The following EML1 variants were observed in gnomAD, a reference collection of about 807,000 sequenced individuals.
EML1 encodes the protein echinoderm microtubule-associated protein-like 1.
EML1 carries 27 observed loss-of-function variants against 110.4 expected under a neutral mutation model. The ratio of observed to expected loss-of-function variants is 0.24; its 90% CI spans 0.18 to 0.34. EML1 has a LOEUF of 0.34. Ranked by LOEUF, EML1 falls within the 10% of genes least tolerant of loss-of-function variation. EML1 has a pLI of 1.00. For missense variants in EML1, 741 were observed against 1,030.9 expected (o/e 0.72, Z 3.85); for synonymous variants, 344 against 385.8 (o/e 0.89, Z 1.27).
At chr14:99,811,462 T>C (rs185928950) in intron 1 of EML1, among the ~76,000 whole-genome samples, 21 of 151,736 alleles carry the variant, frequency 1.4e-4, no homozygotes, top group Non-Finnish European at 2.1e-4. Context: ...ATATGTATTG[T>C]ATACTGTATT....
At chr14:99,798,417 G>C (rs1315669209) in intron 1 of EML1, among the ~76,000 whole-genome samples, 1 of 140,334 alleles carries the variant, frequency 7.1e-6, no homozygotes, top group Non-Finnish European at 1.5e-5. Flanking sequence ...TTTCGAGACA[G>C]AGTCTCACTC....
chr14:99,867,289 A>G (rs2059118750), intron 3 of EML1, among the ~76,000 whole-genome samples: 1 of 152,128 alleles, frequency 6.6e-6, no homozygotes, highest in Non-Finnish European at 1.5e-5. Flanking sequence ...CTTCTTTTTC[A>G]TGATTGTTTT....
intron 1 of EML1, among the ~76,000 whole-genome samples, chr14:99,845,888 A>T (rs1436267804): frequency 6.6e-6 from 1 of 151,952 alleles, no homozygotes; most frequent in East Asian, 1.9e-4. Context: ...CCATCCTACT[A>T]AAAATACAAA....
intron 2 of EML1, among the ~76,000 whole-genome samples, chr14:99,851,446 T>G (rs1441839541): frequency 3.3e-5 from 5 of 152,170 alleles, no homozygotes; most frequent in African/African-American, 1.2e-4. Flanking sequence ...TAGCTGGGAC[T>G]ACAGGCGCCC....
chr14:99,783,641 T>C (rs2057567411), intron 1 of EML1, among the ~76,000 whole-genome samples: 1 of 149,050 alleles, frequency 6.7e-6, no homozygotes, highest in Non-Finnish European at 1.5e-5. Flanking sequence ...TGGGCCTCCA[T>C]GCCCGGCTAA....
chr14:99,787,119 T>C (rs1319672679), intron 1 of EML1, among the ~76,000 whole-genome samples: 2 of 152,054 alleles, frequency 1.3e-5, no homozygotes, highest in African/African-American at 4.8e-5. Context: ...GGCCGCAGAG[T>C]TGAATGTTCC....
At chr14:99,778,519 G>A (rs180734118) in intron 1 of EML1, among the ~76,000 whole-genome samples, 4 of 152,218 alleles carry the variant, frequency 2.6e-5, no homozygotes, top group Admixed American at 6.5e-5. Context: ...TAGCATGATT[G>A]TTACTGTCCA....
chr14:99,797,923 C>G (rs1250169209), intron 1 of EML1, among the ~76,000 whole-genome samples: 1 of 152,188 alleles, frequency 6.6e-6, no homozygotes, highest in African/African-American at 2.4e-5. Flanking sequence ...TCTCCTTCCC[C>G]CACCCCTCCA....
intron 4 of EML1, among the ~76,000 whole-genome samples, chr14:99,890,670 A>G (rs1163227215): frequency 6.6e-6 from 1 of 152,200 alleles, no homozygotes; most frequent in Non-Finnish European, 1.5e-5. Flanking sequence ...ACCTCTCCCA[A>G]GAGATGGCTG....
At chr14:99,917,928 G>GCC in intron 16 of EML1, 79 bp downstream of exon 16, 3 of 1,438,712 alleles carry the variant, frequency 2.1e-6, no homozygotes, top group Non-Finnish European at 1.9e-6. Context: ...CCAGGAACAG[G>GCC]CCCCCGTTCA....
chr14:99,830,552 G>GT (rs1013253192), intron 1 of EML1, among the ~76,000 whole-genome samples: 10 of 150,644 alleles, frequency 6.6e-5, no homozygotes, highest in East Asian at 1.9e-4. Context: ...TTGCCTTTTT[G>GT]TTTTTTTTGT....
intron 3 of EML1, among the ~76,000 whole-genome samples, chr14:99,877,670 T>G (rs571475005): frequency 5.3e-5 from 8 of 152,314 alleles, no homozygotes; most frequent in African/African-American, 1.7e-4. Context: ...GGTGGAACGT[T>G]TCTGTCGTTA....
intron 1 of EML1, among the ~76,000 whole-genome samples, chr14:99,826,053 C>T (rs1357605550): frequency 6.6e-6 from 1 of 150,988 alleles, no homozygotes; most frequent in African/African-American, 2.4e-5. Context: ...GTGAGGTTGA[C>T]CTTTGTATGT....
At chr14:99,868,007 G>A (rs2059130684) in intron 3 of EML1, among the ~76,000 whole-genome samples, 1 of 152,028 alleles carries the variant, frequency 6.6e-6, no homozygotes, top group Non-Finnish European at 1.5e-5. Flanking sequence ...TTCCTAGTTT[G>A]TTGTGTTTTT....
At position 99,828,593 on chromosome 14, in the gene EML1, A is replaced by C. The variant is rs933675678; in HGVS notation, c.68-22260A>C. On this transcript the variant is annotated intron_variant, in intron 1 of 21. Transcript: ENST00000262233. ...GAATTAAACATCATCATAGGTCACC[A>C]TAGGTATATATATACACTTGACCCT... Among the ~76,000 whole-genome samples the C allele has an allele frequency of 6.6e-5, 10 of 152,290 alleles. No homozygotes were observed. The East Asian group carries it at 1.7e-3, about 26-fold the overall frequency.
chr14:99,739,246 C>T (rs912641112), intron 1 of EML1, among the ~76,000 whole-genome samples: 17 of 151,934 alleles, frequency 1.1e-4, no homozygotes, highest in Non-Finnish European at 1.3e-4. Context: ...CCCGCCGGGG[C>T]TGCGGGAGCC....
chr14:99,764,324 C>T (rs992692039), intron 1 of EML1, among the ~76,000 whole-genome samples: 3 of 152,250 alleles, frequency 2.0e-5, no homozygotes, highest in Non-Finnish European at 4.4e-5. Flanking sequence ...GGAAGTGCGG[C>T]TCAGAGAGGC....
At position 99,891,184 on chromosome 14, in the gene EML1, C is replaced by T. The variant is rs200922896; in HGVS notation, c.519-15C>T. 38 of 1,613,940 alleles carry T rather than the reference C, an allele frequency of 2.4e-5. No individual in the cohort carries two copies. In the South Asian group the frequency reaches 2.4e-4, roughly 10 times the overall value. ...ACAGCACCCTTTAAAAACTGTTTTTCGTTTATTTTCACAGCAAACCCAAGG... is the reference window on the plus strand; with the variant it reads ...ACAGCACCCTTTAAAAACTGTTTTTTGTTTATTTTCACAGCAAACCCAAGG... On this transcript the variant is annotated splice_polypyrimidine_tract_variant and intron_variant, in intron 4 of 21. Coordinates refer to ENST00000262233, the MANE Select transcript of EML1 (RefSeq NM_004434.3).
At chr14:99,820,189 A>C (rs1245067986) in intron 1 of EML1, among the ~76,000 whole-genome samples, 1 of 152,186 alleles carries the variant, frequency 6.6e-6, no homozygotes. Context: ...ACATATTTTT[A>C]CTTAAAGCTT....
Sources: gnomAD v4.1 joint callset for allele counts (sites outside exome capture counted in the v4.1 genomes callset) on GRCh38, gnomAD v4.1.1 for gene constraint, MANE v1.5 for transcripts, NCBI Gene and HGNC (gene_info 2026-07-23, HGNC 2026-07-21) for gene names.